Variants in AXIN1 observed in about 807,000 individuals in gnomAD.
The protein encoded by AXIN1 is axin 1.
Under a neutral mutation model 76.4 loss-of-function variants are expected in AXIN1, and 30 were observed. The ratio of observed to expected loss-of-function variants is 0.39; its 90% CI spans 0.29 to 0.53. The LOEUF (loss-of-function observed/expected upper bound fraction) is 0.53, where lower values mean the gene tolerates loss of function less well. Ranked by LOEUF, AXIN1 falls within the 20% of genes least tolerant of loss-of-function variation. The pLI, the probability that AXIN1 is intolerant of heterozygous loss-of-function variation, is 0.66. For missense variants in AXIN1, 1,140 were observed against 1,198.8 expected, an observed-to-expected ratio of 0.95 and a Z score of 0.72; for synonymous variants, 545 against 501.4, an observed-to-expected ratio of 1.09 and a Z score of -1.16.
chr16:288,080 G>A lies in AXIN1; in HGVS notation c.*42C>T, dbSNP rs369354572. The A allele has an allele frequency of 5.0e-6, 8 of 1,612,120 alleles. No individual in the cohort carries two copies. The highest frequency in any genetic ancestry group is 1.6e-4 in the Middle Eastern group (1 of 6,082). On this transcript the variant is annotated 3_prime_UTR_variant, in exon 11 of 11. Transcript: ENST00000262320. ...CTGCCTGGCCGTGACACCCGTGCCC[G>A]CCAAGGGCCTCGCCTGGCACAGCGG...
chr16:323,605 C>A lies in AXIN1; in HGVS notation c.879-8922G>T, dbSNP rs1045947470. Among the ~76,000 whole-genome samples the A allele has an allele frequency of 7.9e-5, 12 of 151,526 alleles. 1 individual carries two copies. Among genetic ancestry groups the A allele is most frequent in the Admixed American group, 5.3e-4 (8 of 15,196 alleles). On this transcript the variant is annotated intron_variant, in intron 2 of 10. Transcript: ENST00000262320. ...GACCATCCTGGCTAACACAGTGAAA[C>A]CCTGTCTCTACCAAAAATACAAAAA...
intron 5 of AXIN1, among the ~76,000 whole-genome samples, chr16:300,841 C>T (rs987106391): frequency 2.6e-5 from 4 of 152,130 alleles, no homozygotes; most frequent in African/African-American, 4.8e-5. Context: ...GTTTTGATGC[C>T]GTTCACTGCC....
intron 2 of AXIN1, among the ~76,000 whole-genome samples, chr16:322,238 C>T (rs565584633): frequency 2.3e-4 from 35 of 152,176 alleles, no homozygotes; most frequent in Non-Finnish European, 4.6e-4. Context: ...ACCCCAGGCT[C>T]CAGGAGGAGG....
At chr16:314,042 G>A (rs575225699) in intron 3 of AXIN1, among the ~76,000 whole-genome samples, 150 of 152,262 alleles carry the variant, frequency 9.9e-4, no homozygotes, top group African/African-American at 3.5e-3. Flanking sequence ...CACATCACTC[G>A]CCACAGCCAG....
intron 2 of AXIN1, among the ~76,000 whole-genome samples, chr16:340,091 T>C (rs1455523131): frequency 2.6e-5 from 4 of 151,978 alleles, no homozygotes; most frequent in Non-Finnish European, 5.9e-5. Flanking sequence ...TTTAGGCCAT[T>C]ACCAGAAACA....
rs1449323222 is a variant in AXIN1 at position 298,191 on chromosome 16, G to A, written c.1315C>T (p.Pro439Ser). Reference sequence around the variant, plus strand: ...AAGTGGTGCCAAGCGGGGGCGGGAGGCAGCTTGTGACACGGCCCTGGGGGC... The same window carrying A: ...AAGTGGTGCCAAGCGGGGGCGGGAGACAGCTTGTGACACGGCCCTGGGGGC... ...SGPPGPCHKL[P>S]PAPAWHHFPP... Residue 439 changes from proline (P) to serine (S), a missense_variant, in exon 6 of 11, where the codon CCT becomes TCT. Physicochemically the swap from Pro to Ser is moderately conservative, Grantham distance 74 (BLOSUM62 -1). This residue lies in a region of AXIN1 where 708 missense variants were observed against 776.9 expected (regional missense o/e 0.91). Coordinates refer to ENST00000262320, the MANE Select transcript of AXIN1 (RefSeq NM_003502.4). 2.6e-6 allele frequency: 4 copies of A among 1,541,900 alleles called. No individual in the cohort carries two copies. The highest frequency in any genetic ancestry group is 1.2e-5 in the South Asian group (1 of 84,182).
chr16:347,691 C>T (rs1436278932), intron 1 of AXIN1, among the ~76,000 whole-genome samples: 4 of 152,216 alleles, frequency 2.6e-5, no homozygotes, highest in African/African-American at 9.7e-5. Context: ...CACCTTCCGA[C>T]ACATGAGAAC....
At chr16:321,794 T>C (rs993778369) in intron 2 of AXIN1, among the ~76,000 whole-genome samples, 3 of 152,268 alleles carry the variant, frequency 2.0e-5, no homozygotes, top group Non-Finnish European at 2.9e-5. Flanking sequence ...AACCCTCTCA[T>C]AGCTGGGAAT....
chr16:321,153 G>A (rs906287135), intron 2 of AXIN1, among the ~76,000 whole-genome samples: 1 of 152,178 alleles, frequency 6.6e-6, no homozygotes, highest in Non-Finnish European at 1.5e-5. Context: ...CACTGCTACA[G>A]GCCCTCCTGC....
chr16:298,725 G>C (rs2052788063), intron 5 of AXIN1, among the ~76,000 whole-genome samples: 1 of 151,682 alleles, frequency 6.6e-6, no homozygotes, highest in South Asian at 2.1e-4. Context: ...TGGCCAGGCT[G>C]GTCTCGAATG....
chr16:291,112 C>T lies in AXIN1; in HGVS notation c.2294+78G>A, dbSNP rs1003884984. The T allele has an allele frequency of 4.9e-5, 68 of 1,377,594 alleles. 1 individual carries two copies. The highest frequency in any genetic ancestry group is 4.9e-4 in the African/African-American group (34 of 69,790). 85.3% of individuals were successfully genotyped at this position (1,377,594 alleles called of 1,614,324 possible). On this transcript the variant is annotated intron_variant, in intron 9 of 10. Transcript: ENST00000262320. ...TACCCGAGCTCAAGCCCCGGGACGG[C>T]GGCTCTACGATGGGACCTGGCTTGG...
At chr16:314,779 A>C (rs1344278036) in intron 2 of AXIN1, 96 bp from the exon 3 acceptor site, 1 of 1,539,200 alleles carries the variant, frequency 6.5e-7, no homozygotes. Flanking sequence ...TCAATGTATT[A>C]ATTAAAAACA....
chr16:341,163 T>C (rs1320062629), intron 2 of AXIN1, among the ~76,000 whole-genome samples: 1 of 152,260 alleles, frequency 6.6e-6, no homozygotes, highest in Non-Finnish European at 1.5e-5. Context: ...CTCACTTTGG[T>C]GGCACTTGAG....
At chr16:320,739 A>ATGTTTTTT (rs1442116204) in intron 2 of AXIN1, among the ~76,000 whole-genome samples, 1 of 91,992 alleles carries the variant, frequency 1.1e-5, no homozygotes, top group African/African-American at 6.7e-5. Flanking sequence ...ATATATATAT[A>ATGTTTTTT]TATATTTTTT....
At chr16:310,384 G>T (rs1031711437) in intron 3 of AXIN1, among the ~76,000 whole-genome samples, 1 of 152,126 alleles carries the variant, frequency 6.6e-6, no homozygotes, top group African/African-American at 2.4e-5. Context: ...AGCTAAGAGT[G>T]GTTTCTACAT....
At chr16:304,475 G>T (rs773501013) in intron 4 of AXIN1, 34 bp from the exon 5 acceptor site, 25 of 1,612,426 alleles carry the variant, frequency 1.6e-5, no homozygotes, top group Non-Finnish European at 2.1e-5. Flanking sequence ...CACGGGGGTT[G>T]AAAGGTCACA....
chr16:320,131 C>T (rs964129475), intron 2 of AXIN1, among the ~76,000 whole-genome samples: 1 of 152,154 alleles, frequency 6.6e-6, no homozygotes, highest in Non-Finnish European at 1.5e-5. Context: ...CCTGCACTGA[C>T]ATTTTCTTTT....
At chr16:326,372 A>AAAAAAAAAAAAAAATATATATAT (rs1380874299) in intron 2 of AXIN1, among the ~76,000 whole-genome samples, 2 of 86,470 alleles carry the variant, frequency 2.3e-5, no homozygotes, top group African/African-American at 1.2e-4. Flanking sequence ...AAAAAAAAAA[A>AAAAAAAAAAAAAAATATATATAT]ATATATATAT....
Position 287,810 on chromosome 16 carries a change from A to G in AXIN1, c.*312T>C. On this transcript the variant is annotated 3_prime_UTR_variant, in exon 11 of 11. Transcript: ENST00000262320. ...AAGTAGATCCCAGCACACGTGCCCA[A>G]GGGAGGTGCCGGGGGATGGGGGGGG... The G allele has an allele frequency of 2.0e-6, 1 of 491,596 alleles. No homozygotes were observed. Among genetic ancestry groups the G allele is most frequent in the Non-Finnish European group, 3.7e-6 (1 of 266,836 alleles). 30.5% of individuals were successfully genotyped at this position (491,596 alleles called of 1,614,324 possible).
Sources: allele counts gnomAD v4.1 joint callset (sites outside exome capture counted in the v4.1 genomes callset), GRCh38; gene constraint gnomAD v4.1.1; regional missense constraint gnomAD v4.1.1; transcripts MANE v1.5; gene names NCBI Gene and HGNC (gene_info 2026-07-23, HGNC 2026-07-21).